ADAP1: variants seen among roughly 807,000 people sequenced by gnomAD.
The protein encoded by ADAP1 is ArfGAP with dual PH domains 1.
In ADAP1, 31 loss-of-function variants were observed where a neutral mutation model predicts 54.9. That is an observed-to-expected ratio of 0.56 (90% CI 0.42 to 0.76). The LOEUF (loss-of-function observed/expected upper bound fraction) is 0.76, where lower values mean the gene tolerates loss of function less well. Ranked by LOEUF, ADAP1 falls within the 30% of genes least tolerant of loss-of-function variation. The pLI is 0.00. For synonymous variants in ADAP1, 313 were observed against 202.6 expected, an observed-to-expected ratio of 1.55 and a Z score of -4.63; for missense variants, 535 against 512.4, an observed-to-expected ratio of 1.04 and a Z score of -0.42.
At chr7:950,892 G>A (rs1165744700) in intron 1 of ADAP1, among the ~76,000 whole-genome samples, 3 of 146,744 alleles carry the variant, frequency 2.0e-5, no homozygotes, top group Non-Finnish European at 4.5e-5. Context: ...GAAAAGAACA[G>A]AAAGTAGAAG....
chr7:925,953 T>C (rs1452108989), intron 3 of ADAP1, among the ~76,000 whole-genome samples: 7 of 151,098 alleles, frequency 4.6e-5, no homozygotes, highest in Non-Finnish European at 1.0e-4. Context: ...TACGAGGGGG[T>C]CGGTGCGAAC....
chr7:951,982 G>A (rs1047704702), intron 1 of ADAP1, among the ~76,000 whole-genome samples: 7 of 152,118 alleles, frequency 4.6e-5, no homozygotes, highest in Non-Finnish European at 8.8e-5. Flanking sequence ...CCTCTGTTGC[G>A]ATTTGGCAGG....
In ADAP1 at chr7:953,237, G is replaced by A. The variant is rs371759377; in HGVS notation, c.82+1159C>T. On this transcript the variant is annotated intron_variant, in intron 1 of 10. Coordinates refer to ENST00000265846, the MANE Select transcript of ADAP1 (RefSeq NM_006869.4). Reference sequence around the variant, plus strand: ...GCCCTGTGGCCGTCCTGTCTCAGGAGACCATGGAAAGGCCGTGGGTCCTGC... The same window carrying A: ...GCCCTGTGGCCGTCCTGTCTCAGGAAACCATGGAAAGGCCGTGGGTCCTGC... 5.4e-4 allele frequency among the ~76,000 whole-genome samples: 83 copies of A among 152,346 alleles called. 1 individual carries two copies. The South Asian group carries it at 0.014, about 26-fold the overall frequency.
At chr7:940,590 C>T (rs977635249) in intron 1 of ADAP1, among the ~76,000 whole-genome samples, 2 of 152,118 alleles carry the variant, frequency 1.3e-5, no homozygotes, top group Non-Finnish European at 2.9e-5. Context: ...GAACTCTCAT[C>T]CACTGCTGGT....
rs1229461546 is a variant in ADAP1 at position 919,820 on chromosome 7, T to TG, written c.388+147dup. 187 of 60,374 alleles carry TG rather than the reference T, an allele frequency of 3.1e-3. 15 individuals carry two copies. The highest frequency in any genetic ancestry group is 4.4e-3 in the East Asian group (22 of 5,032). The allele number at this position is 60,374 out of a possible 1,614,324, so 3.7% of individuals were successfully genotyped here. ...AGGGAGATGGGGGGAGGGAGGGAGA[T>TG]GGGGGAGGGAGGGAGATGGGGGGAG... is the stretch of plus-strand genomic sequence containing the variant. On this transcript the variant is annotated intron_variant, in intron 4 of 10. Transcript: ENST00000265846.
chr7:940,017 C>A (rs1846899288), intron 1 of ADAP1, among the ~76,000 whole-genome samples: 1 of 152,092 alleles, frequency 6.6e-6, no homozygotes, highest in South Asian at 2.1e-4. Flanking sequence ...CGACCTCTTG[C>A]AACTGGCACA....
At chr7:906,708 ACGG>A (rs1562915341) in intron 4 of ADAP1, among the ~76,000 whole-genome samples, 888 of 28,816 alleles carry the variant, frequency 0.031, 46 homozygotes, top group Non-Finnish European at 0.025. Context: ...GACATGGGGG[ACGG>A]GACATCGGGG....
At position 938,446 on chromosome 7, in the gene ADAP1, T is replaced by G. The variant is rs1243743681; in HGVS notation, c.83-2941A>C. Among the ~76,000 whole-genome samples the G allele has an allele frequency of 6.6e-6, 1 of 152,130 alleles. No homozygotes were observed. Among genetic ancestry groups the G allele is most frequent in the Non-Finnish European group, 1.5e-5 (1 of 68,024 alleles). ...ATCCTCCTGTCTTGGCCTCCTAAAGTGTTGGGATTACAGATGTGTGACGCC... is the reference window on the plus strand; with the variant it reads ...ATCCTCCTGTCTTGGCCTCCTAAAGGGTTGGGATTACAGATGTGTGACGCC... On this transcript the variant is annotated intron_variant, in intron 1 of 10. Coordinates refer to ENST00000265846, the MANE Select transcript of ADAP1 (RefSeq NM_006869.4). The surrounding 1 kb of genome is among the most constrained non-coding windows in gnomAD (Gnocchi z 4.4).
In ADAP1 at chr7:922,179, G is replaced by A. The variant is rs147354084; in HGVS notation, c.306-2129C>T. ...CACCCCACGTGGTCACGAGGAGGTG[G>A]GCTTCGGGCCACCTGGCAGCCGGGA... is the stretch of plus-strand genomic sequence containing the variant. On this transcript the variant is annotated intron_variant, in intron 3 of 10. Transcript: ENST00000265846. 5.1e-3 allele frequency among the ~76,000 whole-genome samples: 769 copies of A among 152,258 alleles called. 7 individuals are homozygous for A. Among genetic ancestry groups the A allele is most frequent in the African/African-American group, 0.017 (717 of 41,538 alleles).
intron 2 of ADAP1, among the ~76,000 whole-genome samples, chr7:930,873 G>T (rs1396102578): frequency 5.3e-5 from 8 of 151,604 alleles, no homozygotes; most frequent in African/African-American, 1.9e-4. Flanking sequence ...GCTACTCCTT[G>T]GGAGGCTGAG....
intron 4 of ADAP1, among the ~76,000 whole-genome samples, chr7:914,243 A>G (rs1761060083): frequency 6.6e-6 from 1 of 152,212 alleles, no homozygotes; most frequent in African/African-American, 2.4e-5. Flanking sequence ...CACCTGGCCA[A>G]CGTGGGGTTG....
At position 905,407 on chromosome 7, in the gene ADAP1, GA is replaced by G. The variant is rs1240731164; in HGVS notation, c.389-236del. ...AGGAGAAAGGAGAAAGGAGAAAGGA[GA>G]AAGGGAGAAAGAGAAAGGAGAAAGG... On this transcript the variant is annotated intron_variant, in intron 4 of 10. Transcript: ENST00000265846. 10 of 199,924 alleles carry G rather than the reference GA, an allele frequency of 5.0e-5. 2 individuals are homozygous for G. The highest frequency in any genetic ancestry group is 1.5e-4 in the Admixed American group (2 of 13,714). 12.4% of individuals were successfully genotyped at this position (199,924 alleles called of 1,614,324 possible).
At chr7:900,289 C>T in intron 7 of ADAP1, 125 bp from the exon 8 acceptor site, 6 of 1,203,382 alleles carry the variant, frequency 5.0e-6, no homozygotes, top group Admixed American at 4.0e-5. Context: ...CCTGGCTTAG[C>T]CTCCGCAGGA....
In ADAP1 at chr7:938,001, C is replaced by A. The variant is rs114817283; in HGVS notation, c.83-2496G>T. 6.6e-6 allele frequency among the ~76,000 whole-genome samples: 1 copy of A among 152,170 alleles called. No homozygotes were observed. Among genetic ancestry groups the A allele is most frequent in the Non-Finnish European group, 1.5e-5 (1 of 68,022 alleles). On this transcript the variant is annotated intron_variant, in intron 1 of 10. Coordinates refer to ENST00000265846, the MANE Select transcript of ADAP1 (RefSeq NM_006869.4). The surrounding 1 kb of genome is among the most constrained non-coding windows in gnomAD (Gnocchi z 4.4). The stretch of plus-strand genomic sequence containing the variant: ...CCTACTTCAGCAGAGCCCCTGTCTT[C>A]GAGAGAGACCACAGGCTTTCTCCTC...
intron 2 of ADAP1, among the ~76,000 whole-genome samples, chr7:931,784 A>AC (rs1036164386): frequency 2.8e-4 from 42 of 151,924 alleles, no homozygotes; most frequent in African/African-American, 9.2e-4. Flanking sequence ...AAAAAAAAAA[A>AC]AAAACATAAA....
chr7:906,478 A>AGAAAGG (rs1845348537), intron 4 of ADAP1, among the ~76,000 whole-genome samples: 2 of 57,956 alleles, frequency 3.5e-5, no homozygotes, highest in Non-Finnish European at 7.6e-5. Context: ...AGGAGAAAGG[A>AGAAAGG]GAAAGGAGAA....
intron 1 of ADAP1, 37 bp downstream of exon 1, chr7:954,357 GGA>G: frequency 2.2e-5 from 6 of 276,456 alleles, no homozygotes; most frequent in Non-Finnish European, 2.7e-5. Context: ...CGCCCACCCC[GGA>G]CCCACCCGGC....
chr7:903,237 C>T (rs542729991), intron 6 of ADAP1, among the ~76,000 whole-genome samples: 8 of 152,246 alleles, frequency 5.3e-5, no homozygotes, highest in East Asian at 3.9e-4. Flanking sequence ...GGGCTGCACC[C>T]GACTCGGCCC....
chr7:898,019 C>T lies in ADAP1; in HGVS notation c.*902G>A, dbSNP rs1382561891. On this transcript the variant is annotated 3_prime_UTR_variant, in exon 11 of 11. Transcript: ENST00000265846. ...TCCAGGGCTCCCCTGGAACACAGCT[C>T]AGCCAGGCAAGGCTGGGAGAGGGCT... 6.6e-6 allele frequency: 1 copy of T among 152,254 alleles called. No individual in the cohort carries two copies. The highest frequency in any genetic ancestry group is 2.4e-5 in the African/African-American group (1 of 41,456). The allele number at this position is 152,254 out of a possible 1,614,324, so 9.4% of individuals were successfully genotyped here.
Sources: gnomAD v4.1 joint callset for allele counts (sites outside exome capture counted in the v4.1 genomes callset) on GRCh38, gnomAD v4.1.1 for gene constraint, Gnocchi (gnomAD v3.1) non-coding constraint, MANE v1.5 for transcripts, NCBI Gene and HGNC (gene_info 2026-07-23, HGNC 2026-07-21) for gene names.